Variants in SGCZ observed in about 807,000 individuals in gnomAD.
SGCZ encodes the protein sarcoglycan zeta.
Under a neutral mutation model 41.3 loss-of-function variants are expected in SGCZ, and 40 were observed. The ratio of observed to expected loss-of-function variants is 0.97; its 90% CI spans 0.75 to 1.26. The LOEUF is 1.26. Ranked by LOEUF, SGCZ falls within the 50% of genes most tolerant of loss-of-function variation. The pLI is 0.00. For missense variants in SGCZ, 552 were observed against 369.8 expected (o/e 1.49, Z -4.04); for synonymous variants, 206 against 137.5 (o/e 1.50, Z -3.49).
At chr8:14,610,758 A>G (rs370849057) in intron 1 of SGCZ, among the ~76,000 whole-genome samples, 1 of 152,190 alleles carries the variant, frequency 6.6e-6, no homozygotes, top group East Asian at 1.9e-4. Context: ...TGCCTCAAGG[A>G]GAGGGAAGGC....
At chr8:14,112,628 C>T (rs1802410211) in intron 5 of SGCZ, among the ~76,000 whole-genome samples, 2 of 152,038 alleles carry the variant, frequency 1.3e-5, no homozygotes, top group African/African-American at 4.8e-5. Flanking sequence ...CTAGATTAAG[C>T]TGGGAATAGA....
At chr8:14,538,299 G>A (rs1332658533) in intron 2 of SGCZ, among the ~76,000 whole-genome samples, 1 of 151,908 alleles carries the variant, frequency 6.6e-6, no homozygotes, top group Non-Finnish European at 1.5e-5. Context: ...ATGTCAGGCT[G>A]TATTTAAATC....
At chr8:14,150,811 G>C (rs1318936009) in intron 5 of SGCZ, among the ~76,000 whole-genome samples, 1 of 152,080 alleles carries the variant, frequency 6.6e-6, no homozygotes, top group Non-Finnish European at 1.5e-5. Flanking sequence ...AGAAAATGTG[G>C]TCCATATACA....
intron 2 of SGCZ, among the ~76,000 whole-genome samples, chr8:14,344,123 C>G (rs6989905): frequency 0.43 from 64,607 of 151,852 alleles, 14,418 homozygotes; most frequent in African/African-American, 0.58. Context: ...CTGCTAAAGA[C>G]AGAACCATTG....
intron 1 of SGCZ, among the ~76,000 whole-genome samples, chr8:14,608,344 G>A (rs1249047612): frequency 1.3e-5 from 2 of 151,468 alleles, no homozygotes; most frequent in East Asian, 2.0e-4. Flanking sequence ...AAGAAAAGAG[G>A]TTTCTTTGGC....
At chr8:14,256,415 C>G (rs926257337) in intron 3 of SGCZ, among the ~76,000 whole-genome samples, 1 of 152,120 alleles carries the variant, frequency 6.6e-6, no homozygotes, top group Non-Finnish European at 1.5e-5. Context: ...TGTTAGCACT[C>G]TGATCTATCA....
At chr8:14,256,119 C>T (rs976746567) in intron 3 of SGCZ, among the ~76,000 whole-genome samples, 1 of 152,098 alleles carries the variant, frequency 6.6e-6, no homozygotes, top group Non-Finnish European at 1.5e-5. Flanking sequence ...AGCTGGGATA[C>T]TTGATAGATG....
At chr8:14,344,114 T>C (rs1160940357) in intron 2 of SGCZ, among the ~76,000 whole-genome samples, 1 of 152,130 alleles carries the variant, frequency 6.6e-6, no homozygotes, top group Non-Finnish European at 1.5e-5. Flanking sequence ...GATTGGGAAC[T>C]GCTAAAGACA....
chr8:14,259,916 C>A (rs998475854), intron 3 of SGCZ, among the ~76,000 whole-genome samples: 6 of 152,082 alleles, frequency 3.9e-5, no homozygotes, highest in Non-Finnish European at 7.3e-5. Flanking sequence ...TGGCCATTTT[C>A]ACGATATTGA....
chr8:14,485,130 G>C (rs1260084801), intron 2 of SGCZ, among the ~76,000 whole-genome samples: 1 of 152,162 alleles, frequency 6.6e-6, no homozygotes, highest in East Asian at 1.9e-4. Flanking sequence ...TCATCTTCTT[G>C]TTACTTGTTT....
chr8:15,134,991 T>A (rs542552418), intron 1 of SGCZ, among the ~76,000 whole-genome samples: 2 of 152,186 alleles, frequency 1.3e-5, no homozygotes, highest in Non-Finnish European at 2.9e-5. Flanking sequence ...AGCTACCAAT[T>A]TGCTAGACTT....
intron 1 of SGCZ, among the ~76,000 whole-genome samples, chr8:15,111,560 C>G (rs1178854379): frequency 6.6e-6 from 1 of 152,110 alleles, no homozygotes; most frequent in African/African-American, 2.4e-5. Flanking sequence ...TTGAGCCACT[C>G]ACTCAGGGCC....
chr8:14,775,917 T>A (rs1297311132), intron 1 of SGCZ, among the ~76,000 whole-genome samples: 3 of 152,232 alleles, frequency 2.0e-5, no homozygotes, highest in South Asian at 2.1e-4. Context: ...TGCCTGTGAC[T>A]GGGAGGTGGA....
At chr8:14,335,331 A>T (rs984314619) in intron 2 of SGCZ, among the ~76,000 whole-genome samples, 7 of 152,198 alleles carry the variant, frequency 4.6e-5, no homozygotes, top group African/African-American at 1.2e-4. Flanking sequence ...AGACCCTATA[A>T]GCTTCTTTGA....
chr8:14,472,352 G>C (rs908395260), intron 2 of SGCZ, among the ~76,000 whole-genome samples: 4 of 152,012 alleles, frequency 2.6e-5, no homozygotes, highest in South Asian at 2.1e-4. Context: ...AAGCCAGAGA[G>C]GTATTTACCC....
At chr8:14,812,747 C>A (rs1482724766) in intron 1 of SGCZ, among the ~76,000 whole-genome samples, 1 of 152,108 alleles carries the variant, frequency 6.6e-6, no homozygotes, top group African/African-American at 2.4e-5. Flanking sequence ...TTCCTGTCTT[C>A]TAGAAGATTT....
intron 1 of SGCZ, among the ~76,000 whole-genome samples, chr8:14,857,572 T>G (rs1042099653): frequency 2.6e-5 from 4 of 152,088 alleles, no homozygotes; most frequent in Non-Finnish European, 2.9e-5. Flanking sequence ...TTTAAAAAGG[T>G]GCAGATTTTA....
intron 1 of SGCZ, among the ~76,000 whole-genome samples, chr8:14,728,606 T>C (rs1810136013): frequency 6.6e-6 from 1 of 152,116 alleles, no homozygotes; most frequent in Non-Finnish European, 1.5e-5. Context: ...AAAATTCTGA[T>C]AAGGAGAAAT....
At chr8:14,550,647 A>G (rs1221694319) in intron 2 of SGCZ, among the ~76,000 whole-genome samples, 1 of 151,972 alleles carries the variant, frequency 6.6e-6, no homozygotes, top group Non-Finnish European at 1.5e-5. Flanking sequence ...CATTGCGTAG[A>G]TCACAGGAGC....
Sources: allele counts gnomAD v4.1 joint callset (sites outside exome capture counted in the v4.1 genomes callset), GRCh38; gene constraint gnomAD v4.1.1; transcripts MANE v1.5; gene names NCBI Gene and HGNC (gene_info 2026-07-23, HGNC 2026-07-21).